The following ABR variants were observed in gnomAD, a reference collection of about 807,000 sequenced individuals.
ABR encodes ABR activator of RhoGEF and GTPase, also known as active breakpoint cluster region-related protein.
A neutral mutation model predicts 107.2 loss-of-function variants in ABR; 35 were observed. The observed-to-expected ratio is 0.33, with a 90% confidence interval of 0.25 to 0.43. ABR has a LOEUF of 0.43. Ranked by LOEUF, ABR falls within the 20% of genes least tolerant of loss-of-function variation. The pLI is 1.00. For synonymous variants in ABR, 498 were observed against 462.0 expected (o/e 1.08, Z -1.00); for missense variants, 815 against 1,115.2 (o/e 0.73, Z 3.83).
At chr17:1,029,148 C>T (rs957119921) in intron 16 of ABR, among the ~76,000 whole-genome samples, 2 of 150,776 alleles carry the variant, frequency 1.3e-5, no homozygotes, top group African/African-American at 2.4e-5. Context: ...AAAGTAGAAA[C>T]GCGAAGTTCA....
chr17:1,087,430 C>G (rs1338741149), intron 4 of ABR, among the ~76,000 whole-genome samples: 2 of 152,154 alleles, frequency 1.3e-5, no homozygotes, highest in Non-Finnish European at 2.9e-5. Flanking sequence ...TCTGGAAAAG[C>G]CAGAGGGGAG....
upstream of ABR, among the ~76,000 whole-genome samples, chr17:1,188,733 AC>A (rs1023096334): frequency 5.3e-5 from 8 of 151,582 alleles, no homozygotes; most frequent in Admixed American, 2.0e-4. Flanking sequence ...TTCCCATCTC[AC>A]CCCCAGCTGG....
intron 1 of ABR, among the ~76,000 whole-genome samples, chr17:1,173,013 T>TCCACCCAACACATCACCTCAGC (rs1567857446): frequency 1.6e-4 from 2 of 12,180 alleles, no homozygotes; most frequent in Admixed American, 1.3e-3. Flanking sequence ...ATCACCTCAG[T>TCCACCCAACACATCACCTCAGC]CCACCCAACA....
Position 1,125,200 on chromosome 17 carries a change from C to T in ABR, c.229G>A (p.Glu77Lys). 6.3e-7 allele frequency: 1 copy of T among 1,594,900 alleles called. No homozygotes were observed. Reference sequence around the variant, plus strand: ...GTACCTACCCCAGGAGCCAGTCCCTCAGGTGGAGTCGGGGAGACGCCATCC... The same window carrying T: ...GTACCTACCCCAGGAGCCAGTCCCTTAGGTGGAGTCGGGGAGACGCCATCC... The part of the protein sequence containing the change: ...GGDGVSPTPP[E>K]GLAPGVEAGK... The change falls in exon 2 of 23, where the codon GAG becomes AAG. Residue 77 changes from glutamate to lysine, a missense_variant. Transcript: ENST00000302538.
chr17:1,146,057 C>T (rs149103036), intron 1 of ABR, among the ~76,000 whole-genome samples: 114 of 152,288 alleles, frequency 7.5e-4, no homozygotes, highest in Non-Finnish European at 1.1e-3. Flanking sequence ...TCCAGAGCAC[C>T]GGTGACTGTG....
At chr17:1,187,913 A>C (rs1031912694), upstream of ABR, among the ~76,000 whole-genome samples, 11 of 148,618 alleles carry the variant, frequency 7.4e-5, no homozygotes, top group African/African-American at 2.7e-4. Context: ...ATAAATAAAT[A>C]AATAAAATAT....
At chr17:1,167,115 A>C (rs1426579760) in intron 1 of ABR, among the ~76,000 whole-genome samples, 2 of 152,010 alleles carry the variant, frequency 1.3e-5, no homozygotes, top group African/African-American at 4.8e-5. Flanking sequence ...GTGATACCCC[A>C]GTGATTTATC....
intron 10 of ABR, among the ~76,000 whole-genome samples, chr17:1,063,846 C>G (rs2034350552): frequency 6.7e-6 from 1 of 150,088 alleles, no homozygotes; most frequent in South Asian, 2.2e-4. Context: ...TATGCATGTT[C>G]CTCTAGCACT....
At chr17:1,227,181 A>C (rs1327404288) in intron 1 of ABR, among the ~76,000 whole-genome samples, 2 of 152,208 alleles carry the variant, frequency 1.3e-5, no homozygotes, top group African/African-American at 2.4e-5. Context: ...TCTAACGTGC[A>C]TCAAGGTGCC....
At chr17:1,134,003 G>A (rs1381896534) in intron 1 of ABR, among the ~76,000 whole-genome samples, 3 of 152,220 alleles carry the variant, frequency 2.0e-5, no homozygotes, top group Non-Finnish European at 2.9e-5. Flanking sequence ...AACAGAGGCC[G>A]GGCGCGTGGC....
chr17:1,032,318 T>TGGACC (rs1176908213), intron 16 of ABR, among the ~76,000 whole-genome samples: 1 of 152,126 alleles, frequency 6.6e-6, no homozygotes, highest in East Asian at 1.9e-4. Context: ...CAGACCCTTG[T>TGGACC]GGACCGGCAC....
Position 1,058,846 on chromosome 17 carries a change from G to A in ABR, c.1204C>T (p.Arg402Trp), listed in dbSNP as rs979862986. ...TTCTTCTTCAGGCGCTCGATGGCCC[G>A]GCTCTGGCCTTTGTTGGCTTTCTGC... The part of the protein sequence containing the change: ...QKEKANKGQS[R>W]AIERLKKKMF... The change falls in exon 11 of 23, where the codon CGG (arginine) becomes TGG (tryptophan). Residue 402 changes from arginine (R) to tryptophan (W), a missense_variant. Around this residue, in one of 5 missense-constraint regions of ABR, gnomAD observed 385 missense variants for 596.9 expected, o/e 0.64. Transcript: ENST00000302538. The A allele has an allele frequency of 3.1e-6, 5 of 1,614,152 alleles. No homozygotes were observed. The highest frequency in any genetic ancestry group is 1.7e-5 in the Admixed American group (1 of 60,012).
At chr17:1,173,111 A>C (rs2041790610) in intron 1 of ABR, among the ~76,000 whole-genome samples, 2 of 73,872 alleles carry the variant, frequency 2.7e-5, no homozygotes, top group Admixed American at 1.8e-4. Context: ...CCCACCCAAC[A>C]CATCACCTCA....
At chr17:1,064,535 A>G (rs370824255) in intron 10 of ABR, among the ~76,000 whole-genome samples, 6 of 114,622 alleles carry the variant, frequency 5.2e-5, no homozygotes, top group East Asian at 2.6e-4. Flanking sequence ...TCCTCTAGAC[A>G]CTGTTGTTAT....
chr17:1,012,790 A>G lies in ABR; in HGVS notation c.1859T>C (p.Val620Ala). Reference protein sequence around the residue: ...TDVIEMNGIKVEFSMKFTSRD... With the variant: ...TDVIEMNGIKAEFSMKFTSRD... ...GCTGGTGAATTTCATGGAAAATTCC[A>G]CTTTGATCTGGTTGGGGGGTGAGGC... Residue 620 changes from valine (V) to alanine (A), a missense_variant, in exon 18 of 23, where the codon GTG (valine) becomes GCG (alanine). Physicochemically the swap from Val to Ala is moderately conservative, Grantham distance 64. This residue lies in a region of ABR where 92 missense variants were observed against 82.3 expected (regional missense o/e 1.12). Transcript: ENST00000302538. The G allele has an allele frequency of 1.3e-6, 2 of 1,582,222 alleles. No individual in the cohort carries two copies. The highest frequency in any genetic ancestry group is 8.6e-7 in the Non-Finnish European group (1 of 1,162,924).
chr17:1,108,611 C>T (rs961998149), intron 2 of ABR, among the ~76,000 whole-genome samples: 6 of 152,276 alleles, frequency 3.9e-5, no homozygotes, highest in Non-Finnish European at 7.3e-5. Context: ...CTTGCGGTTG[C>T]CGTGGAAACG....
At chr17:1,053,945 G>A (rs1425546964) in intron 14 of ABR, among the ~76,000 whole-genome samples, 1 of 152,160 alleles carries the variant, frequency 6.6e-6, no homozygotes, top group Admixed American at 6.5e-5. Flanking sequence ...TCTGGAGAGA[G>A]TTCAGGAAGC....
Position 1,027,106 on chromosome 17 carries a change from G to A in ABR, c.1792-13942C>T, listed in dbSNP as rs1199026941. Among the ~76,000 whole-genome samples, 1 of 152,172 alleles carries A rather than the reference G, an allele frequency of 6.6e-6. No individual in the cohort carries two copies. The highest frequency in any genetic ancestry group is 1.9e-4 in the East Asian group (1 of 5,174). ...CTTGGGGGCTCCTTCCAAAATGTCT[G>A]GGGCCTCATTGCCTCTGGGTACTAC... On this transcript the variant is annotated intron_variant, in intron 16 of 22. Coordinates refer to ENST00000302538, the MANE Select transcript of ABR (RefSeq NM_021962.5). The surrounding 1 kb of genome is among the most constrained non-coding windows in gnomAD (Gnocchi z 4.7).
At chr17:1,190,597 G>T (rs2042410493), upstream of ABR, among the ~76,000 whole-genome samples, 1 of 152,174 alleles carries the variant, frequency 6.6e-6, no homozygotes, top group Non-Finnish European at 1.5e-5. Flanking sequence ...CTGAGATCGT[G>T]CCACTGCACT....
Sources: gnomAD v4.1 joint callset for allele counts (sites outside exome capture counted in the v4.1 genomes callset) on GRCh38, gnomAD v4.1.1 for gene constraint, gnomAD v4.1.1 regional missense constraint, Gnocchi (gnomAD v3.1) non-coding constraint, MANE v1.5 for transcripts, NCBI Gene and HGNC (gene_info 2026-07-23, HGNC 2026-07-21) for gene names.